Variants in ZMAT4 observed in about 807,000 individuals in gnomAD.
The protein encoded by ZMAT4 is zinc finger matrin-type protein 4.
Under a neutral mutation model 28.7 loss-of-function variants are expected in ZMAT4, and 17 were observed. The observed-to-expected ratio is 0.59, with a 90% confidence interval of 0.41 to 0.89. ZMAT4 has a LOEUF of 0.89. Among genes scored for constraint, ZMAT4 ranks in the 40% least tolerant of loss-of-function variants. ZMAT4 has a pLI of 0.00. For missense variants in ZMAT4, 240 were observed against 283.8 expected, an observed-to-expected ratio of 0.85 and a Z score of 1.11; for synonymous variants, 117 against 109.2, an observed-to-expected ratio of 1.07 and a Z score of -0.44.
chr8:40,658,804 G>T (rs1808053922), intron 5 of ZMAT4, among the ~76,000 whole-genome samples: 1 of 152,064 alleles, frequency 6.6e-6, no homozygotes, highest in Non-Finnish European at 1.5e-5. Context: ...CCAGCTTGCT[G>T]CTGACTGGAT....
chr8:40,816,077 G>T (rs1815523237), intron 2 of ZMAT4, among the ~76,000 whole-genome samples: 1 of 152,094 alleles, frequency 6.6e-6, no homozygotes, highest in Non-Finnish European at 1.5e-5. Context: ...AATACTACGT[G>T]TTCACCAAAC....
chr8:40,762,083 C>T (rs1204168415), intron 3 of ZMAT4, among the ~76,000 whole-genome samples: 1 of 152,190 alleles, frequency 6.6e-6, no homozygotes, highest in Admixed American at 6.5e-5. Context: ...ACGAAGTCAA[C>T]AGCAGACCAC....
chr8:40,628,024 A>G (rs1806437991), intron 5 of ZMAT4, among the ~76,000 whole-genome samples: 1 of 152,212 alleles, frequency 6.6e-6, no homozygotes, highest in South Asian at 2.1e-4. Flanking sequence ...AGAAGAGGAA[A>G]AAAGTGTTCT....
At chr8:40,715,804 C>T (rs941329600) in intron 3 of ZMAT4, among the ~76,000 whole-genome samples, 1 of 152,212 alleles carries the variant, frequency 6.6e-6, no homozygotes, top group South Asian at 2.1e-4. Flanking sequence ...TGGGTCCCTT[C>T]GTTCAGCAGG....
intron 1 of ZMAT4, among the ~76,000 whole-genome samples, chr8:40,887,382 G>A (rs181177286): frequency 2.3e-4 from 35 of 151,482 alleles, no homozygotes; most frequent in Non-Finnish European, 4.9e-4. Flanking sequence ...CCAGCTACTC[G>A]GGAGGCTGAG....
intron 3 of ZMAT4, among the ~76,000 whole-genome samples, chr8:40,719,820 C>A (rs757403253): frequency 1.6e-4 from 24 of 152,272 alleles, no homozygotes; most frequent in Non-Finnish European, 2.1e-4. Context: ...ATCTGCCCCC[C>A]CTCAGCCTCC....
At chr8:40,761,362 C>T (rs1289158808) in intron 3 of ZMAT4, among the ~76,000 whole-genome samples, 2 of 152,124 alleles carry the variant, frequency 1.3e-5, no homozygotes, top group African/African-American at 2.4e-5. Context: ...AAGTCTCTGC[C>T]TAACCAGGTC....
chr8:40,740,992 G>GCA (rs5891118), intron 3 of ZMAT4, among the ~76,000 whole-genome samples: 6,933 of 148,542 alleles, frequency 0.047, 256 homozygotes, highest in East Asian at 0.21. Context: ...TGATAAATGC[G>GCA]CACACACACA....
At chr8:40,622,843 AC>A (rs1252042789) in intron 5 of ZMAT4, among the ~76,000 whole-genome samples, 1 of 151,998 alleles carries the variant, frequency 6.6e-6, no homozygotes, top group Non-Finnish European at 1.5e-5. Flanking sequence ...TGAGGGATCC[AC>A]CCCCATGACC....
At chr8:40,641,180 G>A (rs750564245) in intron 5 of ZMAT4, among the ~76,000 whole-genome samples, 1 of 152,124 alleles carries the variant, frequency 6.6e-6, no homozygotes, top group Admixed American at 6.5e-5. Context: ...TCTGTGTCAA[G>A]GCAGCAGATA....
chr8:40,720,169 C>T (rs1811018075), intron 3 of ZMAT4, among the ~76,000 whole-genome samples: 1 of 152,188 alleles, frequency 6.6e-6, no homozygotes, highest in South Asian at 2.1e-4. Context: ...TGTTTGAAAA[C>T]ATCAACATGG....
intron 2 of ZMAT4, among the ~76,000 whole-genome samples, chr8:40,800,833 A>T (rs192563827): frequency 6.6e-6 from 1 of 152,222 alleles, no homozygotes; most frequent in Admixed American, 6.5e-5. Flanking sequence ...GTTTTAACTC[A>T]GAAAACTAGA....
intron 5 of ZMAT4, among the ~76,000 whole-genome samples, chr8:40,640,166 T>A (rs532782762): frequency 2.0e-5 from 3 of 152,062 alleles, no homozygotes; most frequent in African/African-American, 7.2e-5. Flanking sequence ...TTTGTAGAGA[T>A]GAAGTCTCCC....
At chr8:40,770,113 CT>C (rs1813327026) in intron 2 of ZMAT4, among the ~76,000 whole-genome samples, 1 of 152,120 alleles carries the variant, frequency 6.6e-6, no homozygotes, top group African/African-American at 2.4e-5. Flanking sequence ...AAAATCAGAG[CT>C]TTGGCAAATA....
chr8:40,579,551 C>T (rs1250253922), intron 6 of ZMAT4, among the ~76,000 whole-genome samples: 1 of 152,144 alleles, frequency 6.6e-6, no homozygotes, highest in Non-Finnish European at 1.5e-5. Context: ...CTGGCTTTGA[C>T]TCACAAGGCA....
intron 4 of ZMAT4, among the ~76,000 whole-genome samples, chr8:40,676,708 T>C (rs1322491432): frequency 2.6e-5 from 4 of 152,212 alleles, no homozygotes; most frequent in Non-Finnish European, 5.9e-5. Context: ...GATTTCATTA[T>C]ATCGAGAAGT....
chr8:40,704,612 A>G (rs966301133), intron 3 of ZMAT4, among the ~76,000 whole-genome samples: 1 of 152,228 alleles, frequency 6.6e-6, no homozygotes, highest in Non-Finnish European at 1.5e-5. Context: ...AATTTATAAG[A>G]ACTTTAGAAG....
In ZMAT4 at chr8:40,801,351, A is replaced by AAAAAAAAATATATATATATATATATGT. The variant is rs370796453; in HGVS notation, c.102+24223_102+24224insACATATATATATATATATATTTTTTTT. On this transcript the variant is annotated intron_variant, in intron 2 of 6. Transcript: ENST00000297737. Reference sequence around the variant, plus strand: ...AGATGATACTTTCTTTAAAAAAAAAAATATATATATATATATATATACATA... The same window carrying AAAAAAAAATATATATATATATATATGT: ...AGATGATACTTTCTTTAAAAAAAAAAAAAAAAAATATATATATATATATATGTATATATATATATATATATATACATA... Among the ~76,000 whole-genome samples, 2 of 97,258 alleles carry AAAAAAAAATATATATATATATATATGT rather than the reference A, an allele frequency of 2.1e-5. 1 individual carries two copies. The highest frequency in any genetic ancestry group is 7.4e-5 in the African/African-American group (2 of 26,952). 63.8% of individuals were successfully genotyped at this position (97,258 alleles called of 152,430 possible). A position where few individuals can be genotyped will look rare whatever the true frequency, so the allele number is the denominator to read the frequency against.
At chr8:40,858,541 C>T (rs1409019029) in intron 1 of ZMAT4, among the ~76,000 whole-genome samples, 1 of 152,174 alleles carries the variant, frequency 6.6e-6, no homozygotes, top group Non-Finnish European at 1.5e-5. Context: ...GCTACACTGG[C>T]TGAGAAGATG....
Sources: gnomAD v4.1 joint callset for allele counts (sites outside exome capture counted in the v4.1 genomes callset) on GRCh38, gnomAD v4.1.1 for gene constraint, MANE v1.5 for transcripts, NCBI Gene and HGNC (gene_info 2026-07-23, HGNC 2026-07-21) for gene names.